Variants in MTUS2 observed in about 807,000 individuals in gnomAD.
MTUS2 encodes microtubule associated scaffold protein 2.
MTUS2 carries 40 observed loss-of-function variants against 114.1 expected under a neutral mutation model. The ratio of observed to expected loss-of-function variants is 0.35; its 90% confidence interval spans 0.27 to 0.46. MTUS2 has a LOEUF of 0.46. Among genes scored for constraint, MTUS2 ranks in the 20% least tolerant of loss-of-function variants. MTUS2 has a pLI of 1.00. For missense variants in MTUS2, 1,679 were observed against 1,705.4 expected, an observed-to-expected ratio of 0.98 and a Z score of 0.27; for synonymous variants, 688 against 672.0, an observed-to-expected ratio of 1.02 and a Z score of -0.37.
intron 2 of MTUS2, among the ~76,000 whole-genome samples, chr13:29,002,882 A>G (rs4575377): frequency 0.46 from 70,257 of 152,036 alleles, 16,741 homozygotes; most frequent in East Asian, 0.68. Context: ...TTTATCTGGT[A>G]CACTTAGTTC....
chr13:28,978,902 G>A (rs575130927), intron 2 of MTUS2, among the ~76,000 whole-genome samples: 1 of 152,302 alleles, frequency 6.6e-6, no homozygotes, highest in South Asian at 2.1e-4. Flanking sequence ...CAGCCAGTGA[G>A]GCTCTTTCCT....
chr13:29,007,792 G>A (rs917547948), intron 2 of MTUS2, among the ~76,000 whole-genome samples: 15 of 151,808 alleles, frequency 9.9e-5, no homozygotes, highest in Admixed American at 4.6e-4. Flanking sequence ...AATATATAAC[G>A]CACATACAAA....
intron 8 of MTUS2, among the ~76,000 whole-genome samples, chr13:29,429,746 G>T (rs1310252834): frequency 6.6e-6 from 1 of 152,172 alleles, no homozygotes; most frequent in African/African-American, 2.4e-5. Context: ...TTGAATTGTT[G>T]AAATTGCCTT....
At chr13:28,862,136 A>C (rs1203783780) in intron 2 of MTUS2, among the ~76,000 whole-genome samples, 1 of 152,210 alleles carries the variant, frequency 6.6e-6, no homozygotes, top group Non-Finnish European at 1.5e-5. Context: ...TGTGCATGAC[A>C]AAGGAAATAG....
intron 5 of MTUS2, among the ~76,000 whole-genome samples, chr13:29,171,227 C>A (rs1044048613): frequency 3.3e-5 from 5 of 152,058 alleles, no homozygotes; most frequent in African/African-American, 4.8e-5. Context: ...CTAACAAGAA[C>A]CATTTTTTGT....
intron 4 of MTUS2, among the ~76,000 whole-genome samples, chr13:29,068,241 T>C (rs1203053735): frequency 2.0e-5 from 3 of 152,244 alleles, no homozygotes; most frequent in African/African-American, 7.2e-5. Context: ...CTACATATTA[T>C]TGAAATGGAC....
intron 2 of MTUS2, among the ~76,000 whole-genome samples, chr13:28,904,325 G>T (rs1258941726): frequency 6.6e-6 from 1 of 152,134 alleles, no homozygotes; most frequent in East Asian, 1.9e-4. Context: ...TGAAGTCCTT[G>T]CCCATGCCTA....
At chr13:28,882,832 T>A (rs1878373162) in intron 2 of MTUS2, among the ~76,000 whole-genome samples, 1 of 152,178 alleles carries the variant, frequency 6.6e-6, no homozygotes, top group Non-Finnish European at 1.5e-5. Context: ...TTAGAAACTT[T>A]TGCTCTAAAA....
At chr13:29,121,356 G>T (rs769614501) in intron 5 of MTUS2, among the ~76,000 whole-genome samples, 18 of 152,048 alleles carry the variant, frequency 1.2e-4, no homozygotes, top group Non-Finnish European at 2.1e-4. Flanking sequence ...GAAGATCTGG[G>T]CGTTAAAGAG....
intron 2 of MTUS2, among the ~76,000 whole-genome samples, chr13:28,868,693 C>T (rs111845527): frequency 9.2e-5 from 14 of 152,144 alleles, no homozygotes; most frequent in Admixed American, 2.0e-4. Flanking sequence ...ATTCTCTCCA[C>T]GTTTTGTTGC....
chr13:29,431,282 T>C (rs1876971539), intron 8 of MTUS2, among the ~76,000 whole-genome samples: 1 of 152,228 alleles, frequency 6.6e-6, no homozygotes, highest in Admixed American at 6.5e-5. Context: ...TAAAAGTTGT[T>C]TGTGCTTATG....
chr13:29,236,191 A>G (rs560861676), intron 5 of MTUS2, among the ~76,000 whole-genome samples: 2 of 152,052 alleles, frequency 1.3e-5, no homozygotes, highest in African/African-American at 2.4e-5. Flanking sequence ...GGGTCATTCA[A>G]TTGCCGGGGG....
chr13:29,410,261 A>T (rs902172306), intron 8 of MTUS2, among the ~76,000 whole-genome samples: 17 of 151,862 alleles, frequency 1.1e-4, no homozygotes, highest in African/African-American at 4.1e-4. Flanking sequence ...AGTAGCTGGG[A>T]TTACAGGTGC....
intron 5 of MTUS2, among the ~76,000 whole-genome samples, chr13:29,199,894 T>C (rs937732786): frequency 6.6e-6 from 1 of 152,284 alleles, no homozygotes. Context: ...TATTCGGGGA[T>C]TTGACTTCTT....
intron 2 of MTUS2, among the ~76,000 whole-genome samples, chr13:28,851,845 G>A (rs1255019892): frequency 1.3e-5 from 2 of 152,148 alleles, no homozygotes; most frequent in South Asian, 2.1e-4. Context: ...CTGGGGCACC[G>A]CTTCCTGGAG....
intron 4 of MTUS2, among the ~76,000 whole-genome samples, chr13:29,076,025 A>AT (rs1889178042): frequency 6.6e-6 from 1 of 152,198 alleles, no homozygotes; most frequent in South Asian, 2.1e-4. Context: ...CCTTAGCTAG[A>AT]TTTTTAAGTT....
chr13:28,942,316 TA>T (rs1882284479), intron 2 of MTUS2, among the ~76,000 whole-genome samples: 1 of 152,026 alleles, frequency 6.6e-6, no homozygotes, highest in Non-Finnish European at 1.5e-5. Context: ...TTACTGGAAT[TA>T]AAAAGATGAA....
chr13:29,292,562 C>G (rs1270809796), intron 6 of MTUS2, among the ~76,000 whole-genome samples: 2 of 152,096 alleles, frequency 1.3e-5, no homozygotes, highest in Admixed American at 1.3e-4. Flanking sequence ...ATCTTATTAT[C>G]TGGACTCCAG....
intron 5 of MTUS2, among the ~76,000 whole-genome samples, chr13:29,258,471 T>A (rs1182780314): frequency 1.3e-5 from 2 of 152,210 alleles, no homozygotes; most frequent in Non-Finnish European, 2.9e-5. Context: ...CATAACCTAA[T>A]CCCACGAGTC....
Sources: gnomAD v4.1 joint callset for allele counts (sites outside exome capture counted in the v4.1 genomes callset) on GRCh38, gnomAD v4.1.1 for gene constraint, MANE v1.5 for transcripts, NCBI Gene and HGNC (gene_info 2026-07-23, HGNC 2026-07-21) for gene names.